The following RCN2 variants were observed in gnomAD, a reference collection of about 807,000 sequenced individuals.
RCN2 encodes the protein reticulocalbin 2.
In RCN2, 23 loss-of-function variants were observed where a neutral mutation model predicts 37.5. The ratio of observed to expected loss-of-function variants is 0.61; its 90% confidence interval spans 0.44 to 0.87. The LOEUF (loss-of-function observed/expected upper bound fraction) is 0.87. Ranked by LOEUF, RCN2 falls within the 40% of genes least tolerant of loss-of-function variation. The pLI, the probability that RCN2 is intolerant of heterozygous loss-of-function variation, is 0.00. For synonymous variants in RCN2, 140 were observed against 144.6 expected (o/e 0.97, Z 0.23); for missense variants, 381 against 390.4 (o/e 0.98, Z 0.20).
At position 76,935,673 on chromosome 15, in the gene RCN2, T is replaced by G. The variant is rs2075244188; in HGVS notation, c.398T>G (p.Phe133Cys). 2 of 1,614,008 alleles carry G rather than the reference T, an allele frequency of 1.2e-6. No individual in the cohort carries two copies. The highest frequency in any genetic ancestry group is 1.7e-6 in the Non-Finnish European group (2 of 1,180,014). The stretch of plus-strand genomic sequence containing the variant: ...CAGATGTATGATCGTGTGATTGACT[T>G]TGATGAGAACACTGCTCTGGATGAT... Reference protein sequence around the residue: ...NIQMYDRVIDFDENTALDDAE... With the variant: ...NIQMYDRVIDCDENTALDDAE... Residue 133 changes from phenylalanine (F) to cysteine (C), a missense_variant, in exon 3 of 7, where the codon TTT (phenylalanine) becomes TGT (cysteine). Transcript: ENST00000394885.
At chr15:76,940,709 T>C (rs1014070648) in intron 3 of RCN2, among the ~76,000 whole-genome samples, 5 of 151,130 alleles carry the variant, frequency 3.3e-5, no homozygotes, top group African/African-American at 1.2e-4. Flanking sequence ...CCACCATACC[T>C]GGCTGATTTT....
In RCN2 at chr15:76,953,575, ATATATATATATATATATATTTTTTTTT is replaced by A. The variant is rs2075332244; in HGVS notation, c.*4355_*4381del. On this transcript the variant is annotated 3_prime_UTR_variant, in exon 7 of 7. Coordinates refer to ENST00000394885, the MANE Select transcript of RCN2 (RefSeq NM_002902.3). ...TAATTCTATATATATATATATATATATATATATATATATATATATTTTTTTTTTTTTTTTTTTTTTTTTTTTTTTTGA... is the reference window on the plus strand; with the variant it reads ...TAATTCTATATATATATATATATATATTTTTTTTTTTTTTTTTTTTTTTGA... 2 of 17,638 alleles carry A rather than the reference ATATATATATATATATATATTTTTTTTT, an allele frequency of 1.1e-4. No homozygotes were observed. The highest frequency in any genetic ancestry group is 4.8e-4 in the African/African-American group (2 of 4,150). The allele number at this position is 17,638 out of a possible 1,614,324, so 1.1% of individuals were successfully genotyped here.
At chr15:76,936,534 C>G (rs1054762240) in intron 3 of RCN2, among the ~76,000 whole-genome samples, 1 of 152,140 alleles carries the variant, frequency 6.6e-6, no homozygotes, top group Non-Finnish European at 1.5e-5. Flanking sequence ...TAATGCCACC[C>G]CTGATCTGAT....
intron 1 of RCN2, 81 bp downstream of exon 1, chr15:76,932,066 C>T: frequency 1.6e-6 from 2 of 1,217,894 alleles, no homozygotes; most frequent in Non-Finnish European, 1.0e-6. Context: ...CAAAGGGGGG[C>T]GGCCGGGCGA....
At position 76,931,996 on chromosome 15, in the gene RCN2, C is replaced by A; in HGVS notation, c.144+11C>A. On this transcript the variant is annotated intron_variant, in intron 1 of 6. Coordinates refer to ENST00000394885, the MANE Select transcript of RCN2 (RefSeq NM_002902.3). ...CTGCTGGGCGTCCAGGTGAGGCGGC[C>A]AGGCCGGTGCTGGGAGGGCCGGGCC... 1 of 1,256,714 alleles carries A rather than the reference C, an allele frequency of 8.0e-7. No homozygotes were observed. Among genetic ancestry groups the A allele is most frequent in the Non-Finnish European group, 9.9e-7 (1 of 1,005,184 alleles). The allele number at this position is 1,256,714 out of a possible 1,614,324, so 77.8% of individuals were successfully genotyped here.
intron 3 of RCN2, chr15:76,942,318 T>A (rs906697393): frequency 6.6e-6 from 1 of 152,198 alleles, no homozygotes; most frequent in Non-Finnish European, 1.5e-5. Flanking sequence ...AAATTGTGCT[T>A]TAAAAAAATG....
intron 2 of RCN2, among the ~76,000 whole-genome samples, chr15:76,932,927 C>A (rs1466788145): frequency 6.6e-6 from 1 of 152,026 alleles, no homozygotes; most frequent in Non-Finnish European, 1.5e-5. Flanking sequence ...AATGTTAGAG[C>A]TGGTAGGGGC....
intron 2 of RCN2, among the ~76,000 whole-genome samples, chr15:76,934,957 T>G (rs1477916311): frequency 6.6e-6 from 1 of 152,212 alleles, no homozygotes; most frequent in Non-Finnish European, 1.5e-5. Context: ...TTCCAGGCAT[T>G]TGATGTACAT....
rs1284356930 is a variant in RCN2, at chr15:76,953,555, C to CTATATATATATATATA, written c.*4357_*4372dup. On this transcript the variant is annotated 3_prime_UTR_variant, in exon 7 of 7. Coordinates refer to ENST00000394885, the MANE Select transcript of RCN2 (RefSeq NM_002902.3). The stretch of plus-strand genomic sequence containing the variant: ...GGGATTGCTGGATCATATAGTAATT[C>CTATATATATATATATA]TATATATATATATATATATATATAT... 3.4e-4 allele frequency: 9 copies of CTATATATATATATATA among 26,696 alleles called. No homozygotes were observed. Among genetic ancestry groups the CTATATATATATATATA allele is most frequent in the South Asian group, 2.6e-3 (1 of 382 alleles). 1.7% of individuals were successfully genotyped at this position (26,696 alleles called of 1,614,324 possible). A position where few individuals can be genotyped will look rare whatever the true frequency, so the allele number is the denominator to read the frequency against.
At chr15:76,948,742 C>T (rs78451093) in intron 6 of RCN2, 190 bp downstream of exon 6, 7,816 of 560,420 alleles carry the variant, frequency 0.014, 93 homozygotes, top group Non-Finnish European at 0.016. Flanking sequence ...AAGATTGTGT[C>T]ATGTATTAAT....
chr15:76,953,582 TATATATATA>T lies in RCN2; in HGVS notation c.*4361_*4369del, dbSNP rs1568463507. Reference sequence around the variant, plus strand: ...ATATATATATATATATATATATATATATATATATATATTTTTTTTTTTTTTTTTTTTTTT... The same window carrying T: ...ATATATATATATATATATATATATATTATTTTTTTTTTTTTTTTTTTTTTT... On this transcript the variant is annotated 3_prime_UTR_variant, in exon 7 of 7. Coordinates refer to ENST00000394885, the MANE Select transcript of RCN2 (RefSeq NM_002902.3). 5 of 21,828 alleles carry T rather than the reference TATATATATA, an allele frequency of 2.3e-4. No individual in the cohort carries two copies. The highest frequency in any genetic ancestry group is 4.0e-4 in the Non-Finnish European group (4 of 10,088). 1.4% of individuals were successfully genotyped at this position (21,828 alleles called of 1,614,324 possible).
At chr15:76,941,249 A>T (rs779097908) in intron 3 of RCN2, among the ~76,000 whole-genome samples, 9 of 152,068 alleles carry the variant, frequency 5.9e-5, no homozygotes, top group Non-Finnish European at 8.8e-5. Flanking sequence ...CTGGTCACGA[A>T]CTCCTGACCT....
chr15:76,936,175 A>AT (rs2075246751), intron 3 of RCN2, among the ~76,000 whole-genome samples: 2 of 150,560 alleles, frequency 1.3e-5, no homozygotes, highest in African/African-American at 5.0e-5. Flanking sequence ...AAAAGTAAGT[A>AT]TTAAAAAAAA....
At position 76,949,227 on chromosome 15, in the gene RCN2, T is replaced by G. The variant is rs1711018; in HGVS notation, c.*5T>G. ...TTCTATCATGATGAGCTTTAATCTC[T>G]GAGCCTGTCTCAGTAGAGTACTGGC... On this transcript the variant is annotated 3_prime_UTR_variant, in exon 7 of 7. Transcript: ENST00000394885. 83 of 1,593,166 alleles carry G rather than the reference T, an allele frequency of 5.2e-5. No homozygotes were observed. The highest frequency in any genetic ancestry group is 1.7e-4 in the Middle Eastern group (1 of 5,954).
At position 76,949,411 on chromosome 15, in the gene RCN2, G is replaced by T. The variant is rs1438483248; in HGVS notation, c.*189G>T. 2.9e-5 allele frequency: 12 copies of T among 418,766 alleles called. No homozygotes were observed. The highest frequency in any genetic ancestry group is 5.0e-5 in the Non-Finnish European group (12 of 239,572). 25.9% of individuals were successfully genotyped at this position (418,766 alleles called of 1,614,324 possible). ...AAAAATCTGATATTTATTTCAAAAT[G>T]TATTGAAGCAACAAAATATTAATAT... On this transcript the variant is annotated 3_prime_UTR_variant, in exon 7 of 7. Coordinates refer to ENST00000394885, the MANE Select transcript of RCN2 (RefSeq NM_002902.3).
In RCN2 at chr15:76,950,498, C is replaced by T. The variant is rs978227048; in HGVS notation, c.*1276C>T. On this transcript the variant is annotated 3_prime_UTR_variant, in exon 7 of 7. Transcript: ENST00000394885. ...CTGCCTCCTGGGTTCACGCCATTCTCCTGCCTCAGCCTCCCGAGTAGCTGG... is the reference window on the plus strand; with the variant it reads ...CTGCCTCCTGGGTTCACGCCATTCTTCTGCCTCAGCCTCCCGAGTAGCTGG... The T allele has an allele frequency of 1.3e-5, 2 of 151,432 alleles. No individual in the cohort carries two copies. The highest frequency in any genetic ancestry group is 6.6e-5 in the Admixed American group (1 of 15,210). The allele number at this position is 151,432 out of a possible 1,614,324, so 9.4% of individuals were successfully genotyped here.
chr15:76,931,832 G>C lies in RCN2; in HGVS notation c.-10G>C. ...CTCGCGTCCCTCGGTGTCCTCCGCG[G>C]GCCGGCGCGATGCGGCTGGGCCCGA... On this transcript the variant is annotated 5_prime_UTR_variant, in exon 1 of 7. Coordinates refer to ENST00000394885, the MANE Select transcript of RCN2 (RefSeq NM_002902.3). The C allele has an allele frequency of 8.2e-7, 1 of 1,226,482 alleles. No homozygotes were observed. The highest frequency in any genetic ancestry group is 1.0e-6 in the Non-Finnish European group (1 of 986,420). 76.0% of individuals were successfully genotyped at this position (1,226,482 alleles called of 1,614,324 possible).
At chr15:76,937,705 G>A (rs1047289981) in intron 3 of RCN2, among the ~76,000 whole-genome samples, 1 of 152,090 alleles carries the variant, frequency 6.6e-6, no homozygotes. Flanking sequence ...ACGACACCTG[G>A]CCCCAAATTA....
intron 4 of RCN2, among the ~76,000 whole-genome samples, chr15:76,945,399 C>T (rs531078192): frequency 5.0e-4 from 76 of 152,290 alleles, no homozygotes; most frequent in African/African-American, 1.7e-3. Context: ...GGTAGGGGTG[C>T]AGCTGCTAGT....
Sources: allele counts gnomAD v4.1 joint callset (sites outside exome capture counted in the v4.1 genomes callset), GRCh38; gene constraint gnomAD v4.1.1; transcripts MANE v1.5; gene names NCBI Gene and HGNC (gene_info 2026-07-23, HGNC 2026-07-21).